Variants in CDKL1 observed in about 807,000 individuals in gnomAD.
CDKL1 encodes cyclin dependent kinase like 1.
Under a neutral mutation model 42.0 loss-of-function variants are expected in CDKL1, and 41 were observed. The ratio of observed to expected loss-of-function variants is 0.98; its 90% confidence interval spans 0.76 to 1.27. The LOEUF is 1.27. CDKL1 is among the 50% of genes most tolerant of loss of function. The probability of loss-of-function intolerance (pLI) is 0.00; values close to 1 mark genes in which losing one functional copy is unlikely to be tolerated. For missense variants in CDKL1, 394 were observed against 428.4 expected (o/e 0.92, Z 0.71); for synonymous variants, 153 against 158.6 (o/e 0.96, Z 0.26).
chr14:50,366,215 A>G (rs577117383), intron 2 of CDKL1, among the ~76,000 whole-genome samples: 4 of 152,366 alleles, frequency 2.6e-5, no homozygotes, highest in African/African-American at 7.2e-5. Context: ...AGAAGTGCCA[A>G]AAATAATCTA....
chr14:50,339,595 G>T (rs1025340466), intron 6 of CDKL1, among the ~76,000 whole-genome samples: 2 of 152,086 alleles, frequency 1.3e-5, no homozygotes, highest in Non-Finnish European at 2.9e-5. Flanking sequence ...TAGCTAGAAG[G>T]AATACATTTC....
chr14:50,397,187 C>T (rs1414081834), upstream of CDKL1: 1 of 1,366,468 alleles, frequency 7.3e-7, no homozygotes, highest in Non-Finnish European at 9.8e-7. Flanking sequence ...CCTGAGCGGT[C>T]CACATTTCCC....
At chr14:50,356,111 C>T (rs533009682) in intron 3 of CDKL1, among the ~76,000 whole-genome samples, 1 of 152,304 alleles carries the variant, frequency 6.6e-6, no homozygotes, top group African/African-American at 2.4e-5. Flanking sequence ...GGGGACCCCA[C>T]CTGGCACCAA....
chr14:50,377,803 C>G, intron 2 of CDKL1: 1 of 963,302 alleles, frequency 1.0e-6, no homozygotes, highest in Non-Finnish European at 1.4e-6. Context: ...CTTGTTAACA[C>G]CTATAAATCA....
chr14:50,359,137 G>T lies in CDKL1; in HGVS notation c.181C>A (p.Pro61Thr). ...EIRMLKQLKH[P>T]NLVNLLEVFR... The stretch of plus-strand genomic sequence containing the variant: ...ACTTCCAGGAGGTTAACAAGGTTGG[G>T]ATGCTTGAGTTGCTGAAAACACAAA... Residue 61 changes from proline to threonine, a missense_variant, in exon 3 of 10, where the codon CCC becomes ACC. Transcript: ENST00000395834. The T allele has an allele frequency of 1.9e-6, 3 of 1,608,268 alleles. No individual in the cohort carries two copies. The highest frequency in any genetic ancestry group is 2.5e-6 in the Non-Finnish European group (3 of 1,176,490).
At chr14:50,341,351 CT>C in intron 5 of CDKL1, 119 bp from the exon 6 acceptor site, 1 of 1,322,552 alleles carries the variant, frequency 7.6e-7, no homozygotes, top group Non-Finnish European at 9.8e-7. Context: ...ATCGCTGGTT[CT>C]CAATTCTAGT....
intron 2 of CDKL1, chr14:50,362,280 G>A: frequency 2.7e-6 from 1 of 377,314 alleles, no homozygotes; most frequent in Non-Finnish European, 5.3e-6. Context: ...GAGGAGTGCG[G>A]GCGCACGGCA....
Position 50,328,299 on chromosome 14 carries a change from T to C in CDKL1, c.*1775A>G, listed in dbSNP as rs1340040976. 1 of 152,178 alleles carries C rather than the reference T, an allele frequency of 6.6e-6. No homozygotes were observed. The highest frequency in any genetic ancestry group is 1.5e-5 in the Non-Finnish European group (1 of 68,028). The allele number at this position is 152,178 out of a possible 1,614,324, so 9.4% of individuals were successfully genotyped here. On this transcript the variant is annotated 3_prime_UTR_variant, in exon 10 of 10. Coordinates refer to ENST00000395834, the MANE Select transcript of CDKL1 (RefSeq NM_004196.7). The stretch of plus-strand genomic sequence containing the variant: ...TTGAATCAAGGCCGTCTAACAGGAA[T>C]TGAATAATTCAGGGACTAGCATTTA...
At chr14:50,392,399 T>A (rs1179905865) in intron 2 of CDKL1, among the ~76,000 whole-genome samples, 1 of 151,698 alleles carries the variant, frequency 6.6e-6, no homozygotes, top group Non-Finnish European at 1.5e-5. Context: ...TGAGCTGAGA[T>A]TGTGCCACTG....
intron 3 of CDKL1, among the ~76,000 whole-genome samples, chr14:50,357,744 T>A (rs10136616): frequency 7.0e-4 from 107 of 152,342 alleles, no homozygotes; most frequent in Middle Eastern, 3.4e-3. Flanking sequence ...AATGTGCAGA[T>A]GCTACCTTCT....
chr14:50,330,698 C>G (rs1306034984), intron 9 of CDKL1: 1 of 152,336 alleles, frequency 6.6e-6, no homozygotes, highest in African/African-American at 2.4e-5. Context: ...ATAGCAAGAT[C>G]CCCATCTCTA....
Position 50,345,042 on chromosome 14 carries a change from C to T in CDKL1, c.307G>A (p.Val103Met), listed in dbSNP as rs764133695. Residue 103 changes from valine (V) to methionine (M), a missense_variant, in exon 4 of 10, where the codon GTG (valine) becomes ATG (methionine). Val to Met is a conservative substitution (Grantham distance 21, BLOSUM62 1). Coordinates refer to ENST00000395834, the MANE Select transcript of CDKL1 (RefSeq NM_004196.7). ...AGTGTCTGCCAAGTTATGCTCTTCACGAGATGTTCTGGTACCCTAATAAAA... is the reference window on the plus strand; with the variant it reads ...AGTGTCTGCCAAGTTATGCTCTTCATGAGATGTTCTGGTACCCTAATAAAA... ...RYQRGVPEHL[V>M]KSITWQTLQA... The T allele has an allele frequency of 2.5e-5, 41 of 1,613,854 alleles. No individual in the cohort carries two copies. In the East Asian group the frequency reaches 3.3e-4, roughly 13 times the overall value.
intron 2 of CDKL1, among the ~76,000 whole-genome samples, chr14:50,383,073 G>A (rs1319295024): frequency 3.9e-5 from 6 of 152,122 alleles, no homozygotes; most frequent in Middle Eastern, 3.4e-3. Flanking sequence ...GACTACAGGC[G>A]TGTGCCACCA....
intron 2 of CDKL1, among the ~76,000 whole-genome samples, chr14:50,359,683 CTTTT>C (rs943182545): frequency 2.0e-5 from 3 of 150,052 alleles, no homozygotes; most frequent in African/African-American, 7.4e-5. Context: ...GGTCTGTGTT[CTTTT>C]GTTTATCAAA....
chr14:50,371,110 T>C (rs1458823314), intron 2 of CDKL1, among the ~76,000 whole-genome samples: 2 of 152,208 alleles, frequency 1.3e-5, no homozygotes, highest in Non-Finnish European at 1.5e-5. Context: ...TGAATAGTAC[T>C]GTATTGTGTA....
intron 2 of CDKL1, chr14:50,378,348 T>G: frequency 7.3e-7 from 1 of 1,366,316 alleles, no homozygotes; most frequent in Non-Finnish European, 9.8e-7. Context: ...AGGAAATAAC[T>G]GCACTCAAGA....
chr14:50,349,531 G>A (rs1219634221), intron 3 of CDKL1, among the ~76,000 whole-genome samples: 1 of 152,176 alleles, frequency 6.6e-6, no homozygotes, highest in African/African-American at 2.4e-5. Flanking sequence ...TGCACTCCAG[G>A]TGGCAAAAGC....
rs778807150 is a variant in CDKL1, at chr14:50,336,033, C to T, written c.739-1412G>A. On this transcript the variant is annotated intron_variant, in intron 7 of 9. Coordinates refer to ENST00000395834, the MANE Select transcript of CDKL1 (RefSeq NM_004196.7). ...TAAATATTTCTCTTGTTCTTTCTGT[C>T]GGTTGAATCTGAGCATCACTGGGGT... 15 of 1,366,272 alleles carry T rather than the reference C, an allele frequency of 1.1e-5. No homozygotes were observed. The South Asian group carries it at 1.1e-4, about 10-fold the overall frequency. 84.6% of individuals were successfully genotyped at this position (1,366,272 alleles called of 1,614,324 possible).
intron 7 of CDKL1, chr14:50,336,164 C>T: frequency 7.3e-7 from 1 of 1,363,836 alleles, no homozygotes. Flanking sequence ...GTGAGCGTTT[C>T]ACAGCCCCAG....
Sources: gnomAD v4.1 joint callset for allele counts (sites outside exome capture counted in the v4.1 genomes callset) on GRCh38, gnomAD v4.1.1 for gene constraint, MANE v1.5 for transcripts, NCBI Gene and HGNC (gene_info 2026-07-23, HGNC 2026-07-21) for gene names.